BBS9: variants seen among roughly 807,000 people sequenced by gnomAD.
BBS9 encodes the protein protein PTHB1.
BBS9 carries 89 observed loss-of-function variants against 117.7 expected under a neutral mutation model. The ratio of observed to expected loss-of-function variants is 0.76; its 90% CI spans 0.64 to 0.90. The LOEUF (loss-of-function observed/expected upper bound fraction) is 0.90. Ranked by LOEUF, BBS9 falls within the 40% of genes least tolerant of loss-of-function variation. The pLI is 0.00. For synonymous variants in BBS9, 379 were observed against 370.9 expected (o/e 1.02, Z -0.25); for missense variants, 982 against 1,042.2 (o/e 0.94, Z 0.80).
chr7:33,558,441 C>CAG (rs1855612962), intron 21 of BBS9, among the ~76,000 whole-genome samples: 1 of 151,984 alleles, frequency 6.6e-6, no homozygotes. Context: ...CTAGACATTC[C>CAG]AGAGAGAGGG....
chr7:33,516,798 C>G (rs750013661), intron 20 of BBS9, among the ~76,000 whole-genome samples: 5 of 152,310 alleles, frequency 3.3e-5, no homozygotes, highest in Non-Finnish European at 5.9e-5. Flanking sequence ...TAAATTTGGT[C>G]TATTGCCTAA....
At chr7:33,140,589 G>A (rs1225136205) in intron 1 of BBS9, among the ~76,000 whole-genome samples, 5 of 152,076 alleles carry the variant, frequency 3.3e-5, no homozygotes, top group Admixed American at 3.3e-4. Flanking sequence ...TCATAGTCCA[G>A]TAATATGGCA....
In BBS9 at chr7:33,319,770, C is replaced by A. The variant is rs147295564; in HGVS notation, c.1017-16671C>A. ...AGGAACAGTCAGCAGAGTAAACAGA[C>A]AACCCACAGAGTGGGAGAAAATCTT... is the stretch of plus-strand genomic sequence containing the variant. On this transcript the variant is annotated intron_variant, in intron 9 of 22. Transcript: ENST00000242067. Among the ~76,000 whole-genome samples the A allele has an allele frequency of 7.1e-3, 1,077 of 152,232 alleles. 9 individuals are homozygous for A. The highest frequency in any genetic ancestry group is 0.021 in the South Asian group (101 of 4,826).
intron 19 of BBS9, among the ~76,000 whole-genome samples, chr7:33,504,325 C>T (rs1845850089): frequency 6.6e-6 from 1 of 152,180 alleles, no homozygotes; most frequent in Admixed American, 6.5e-5. Context: ...GTTGCTCTGC[C>T]TACATCTCTT....
intron 20 of BBS9, among the ~76,000 whole-genome samples, chr7:33,527,534 C>G (rs914460738): frequency 6.6e-6 from 1 of 152,200 alleles, no homozygotes; most frequent in African/African-American, 2.4e-5. Context: ...TCACCCCTTT[C>G]TTTGACTCGG....
chr7:33,273,925 AT>A lies in BBS9; in HGVS notation c.987del (p.Pro330LeufsTer2). On this transcript the variant is annotated frameshift_variant, in exon 9 of 23. Transcript: ENST00000242067. LOFTEE classifies it high-confidence loss of function. Reference sequence around the variant, plus strand: ...GAAGTGGGCCACCCAACTTCCCCACATTCCTGTAGCAGTAAGAGTGGGCTGT... The same window carrying A: ...GAAGTGGGCCACCCAACTTCCCCACATCCTGTAGCAGTAAGAGTGGGCTGT... ...TLKWATQLPH[I>X]PVAVRVGCLH... The A allele has an allele frequency of 2.5e-6, 4 of 1,613,672 alleles. No individual in the cohort carries two copies. Among genetic ancestry groups the A allele is most frequent in the Non-Finnish European group, 3.4e-6 (4 of 1,179,718 alleles).
intron 16 of BBS9, among the ~76,000 whole-genome samples, chr7:33,362,084 GT>G (rs1489080406): frequency 2.6e-5 from 4 of 152,060 alleles, no homozygotes; most frequent in Non-Finnish European, 5.9e-5. Flanking sequence ...TCTGCTTTCT[GT>G]TACTAGAGAT....
intron 19 of BBS9, among the ~76,000 whole-genome samples, chr7:33,425,928 A>C (rs1833594819): frequency 6.6e-6 from 1 of 152,238 alleles, no homozygotes. Flanking sequence ...ACTTAGAATT[A>C]GTTCTAAACA....
At position 33,427,302 on chromosome 7, in the gene BBS9, T is replaced by C. The variant is rs1396231607; in HGVS notation, c.2115+39158T>C. ...TTAATTTGCAATTACAGTAAAATCTTAGACCTTTCACAATTCCTGAAGGGT... is the reference window on the plus strand; with the variant it reads ...TTAATTTGCAATTACAGTAAAATCTCAGACCTTTCACAATTCCTGAAGGGT... On this transcript the variant is annotated intron_variant, in intron 19 of 22. Coordinates refer to ENST00000242067, the MANE Select transcript of BBS9 (RefSeq NM_198428.3). Among the ~76,000 whole-genome samples the C allele has an allele frequency of 2.0e-5, 3 of 152,198 alleles. No homozygotes were observed. In the East Asian group the frequency reaches 5.8e-4, roughly 29 times the overall value.
At chr7:33,294,067 C>T (rs1804656560) in intron 9 of BBS9, among the ~76,000 whole-genome samples, 1 of 152,140 alleles carries the variant, frequency 6.6e-6, no homozygotes, top group African/African-American at 2.4e-5. Context: ...CACAGAAACA[C>T]AGCATTGTGA....
At chr7:33,269,505 C>T (rs975942442) in intron 7 of BBS9, among the ~76,000 whole-genome samples, 1 of 152,298 alleles carries the variant, frequency 6.6e-6, no homozygotes. Flanking sequence ...AGGTCCATTC[C>T]TCTGCTGCCT....
chr7:33,264,912 A>G (rs1257057060), intron 7 of BBS9, among the ~76,000 whole-genome samples: 1 of 152,188 alleles, frequency 6.6e-6, no homozygotes, highest in African/African-American at 2.4e-5. Context: ...TAGGCATGCG[A>G]CCGAATATAT....
intron 19 of BBS9, among the ~76,000 whole-genome samples, chr7:33,401,862 G>T (rs992800685): frequency 1.3e-5 from 2 of 152,186 alleles, no homozygotes; most frequent in African/African-American, 4.8e-5. Context: ...GCTTTGCAGG[G>T]CTATTTCAAG....
intron 21 of BBS9, among the ~76,000 whole-genome samples, chr7:33,546,855 A>T (rs1309264880): frequency 6.6e-6 from 1 of 152,168 alleles, no homozygotes; most frequent in East Asian, 1.9e-4. Context: ...CTGTTATAGT[A>T]CTTGTGTTAT....
intron 19 of BBS9, among the ~76,000 whole-genome samples, chr7:33,445,989 CA>C (rs1340453673): frequency 6.6e-6 from 1 of 152,096 alleles, no homozygotes; most frequent in Non-Finnish European, 1.5e-5. Flanking sequence ...ATCATTAGAG[CA>C]GTGTGAAAAC....
At chr7:33,427,749 G>T (rs1018684823) in intron 19 of BBS9, among the ~76,000 whole-genome samples, 3 of 152,162 alleles carry the variant, frequency 2.0e-5, no homozygotes, top group Admixed American at 2.0e-4. Context: ...TACATGTGAA[G>T]AAATTTGATG....
At chr7:33,449,533 G>A (rs1837482557) in intron 19 of BBS9, among the ~76,000 whole-genome samples, 1 of 152,088 alleles carries the variant, frequency 6.6e-6, no homozygotes, top group South Asian at 2.1e-4. Flanking sequence ...GTGTGGACAG[G>A]AAGCCAGCCG....
chr7:33,169,905 G>A (rs113226304), intron 4 of BBS9, among the ~76,000 whole-genome samples: 2,631 of 151,820 alleles, frequency 0.017, 95 homozygotes, highest in African/African-American at 0.061. Context: ...GTTCTGAATG[G>A]TAATGCCTAG....
chr7:33,420,102 AC>A lies in BBS9; in HGVS notation c.2115+31960del, dbSNP rs199581507. 9.8e-3 allele frequency among the ~76,000 whole-genome samples: 1,489 copies of A among 152,278 alleles called. 12 individuals carry two copies. The highest frequency in any genetic ancestry group is 0.022 in the South Asian group (106 of 4,822). ...TATTAATAACTGAGATGGGACAAGA[AC>A]CAGGGTTTCTGAGACAATTTGTTGG... On this transcript the variant is annotated intron_variant, in intron 19 of 22. Transcript: ENST00000242067.
Sources: allele counts gnomAD v4.1 joint callset (sites outside exome capture counted in the v4.1 genomes callset), GRCh38; gene constraint gnomAD v4.1.1; transcripts MANE v1.5; gene names NCBI Gene and HGNC (gene_info 2026-07-23, HGNC 2026-07-21).